The following FRYL variants were observed in gnomAD, a reference collection of about 807,000 sequenced individuals.
FRYL encodes protein furry homolog-like.
In FRYL, 150 loss-of-function variants were observed where a neutral mutation model predicts 351.2. The observed-to-expected ratio is 0.43, with a 90% CI of 0.37 to 0.49. The LOEUF is 0.49. FRYL is among the 20% of genes least tolerant of loss of function. The pLI is 0.00. For synonymous variants in FRYL, 1,153 were observed against 1,257.1 expected, an observed-to-expected ratio of 0.92 and a Z score of 1.75; for missense variants, 3,036 against 3,619.3, an observed-to-expected ratio of 0.84 and a Z score of 4.13.
At chr4:48,693,225 C>T (rs1379641219) in intron 2 of FRYL, among the ~76,000 whole-genome samples, 1 of 152,094 alleles carries the variant, frequency 6.6e-6, no homozygotes, top group African/African-American at 2.4e-5. Flanking sequence ...TCCTTTATAT[C>T]GCTCTAACAT....
intron 2 of FRYL, among the ~76,000 whole-genome samples, chr4:48,700,327 G>A (rs1166352137): frequency 1.3e-5 from 2 of 152,142 alleles, no homozygotes; most frequent in Non-Finnish European, 2.9e-5. Context: ...AGGGCAAAGT[G>A]AGACACTGGG....
At chr4:48,615,309 T>A (rs1047954565) in intron 7 of FRYL, among the ~76,000 whole-genome samples, 10 of 152,144 alleles carry the variant, frequency 6.6e-5, no homozygotes, top group African/African-American at 2.4e-4. Context: ...CTCATCAATA[T>A]CTAAAATGCT....
At chr4:48,577,045 TATC>T (rs1238141274) in intron 23 of FRYL, among the ~76,000 whole-genome samples, 4 of 152,182 alleles carry the variant, frequency 2.6e-5, no homozygotes, top group African/African-American at 9.6e-5. Flanking sequence ...CAATATAAAG[TATC>T]ATATTTTATA....
At chr4:48,570,737 C>CT (rs1738118522) in intron 27 of FRYL, 90 bp downstream of exon 27, 1 of 917,622 alleles carries the variant, frequency 1.1e-6, no homozygotes, top group African/African-American at 1.7e-5. Flanking sequence ...TGCAATGGTG[C>CT]TTTTCTGTTT....
At chr4:48,728,971 G>A (rs925116439) in intron 1 of FRYL, among the ~76,000 whole-genome samples, 1 of 152,252 alleles carries the variant, frequency 6.6e-6, no homozygotes, top group African/African-American at 2.4e-5. Flanking sequence ...TCCTAGCCAA[G>A]GGAAGCCGTG....
At chr4:48,711,845 G>A (rs62309747) in intron 1 of FRYL, among the ~76,000 whole-genome samples, 62,813 of 152,088 alleles carry the variant, frequency 0.41, 14,294 homozygotes, top group Admixed American at 0.56. Flanking sequence ...CACCTCACAC[G>A]GCCGGGTACT....
At chr4:48,688,395 A>T (rs1186033420) in intron 2 of FRYL, among the ~76,000 whole-genome samples, 1 of 152,232 alleles carries the variant, frequency 6.6e-6, no homozygotes, top group African/African-American at 2.4e-5. Flanking sequence ...AAGATGGTGT[A>T]AAACAAGAAA....
chr4:48,532,993 GT>G (rs1728011115), intron 49 of FRYL, among the ~76,000 whole-genome samples: 1 of 152,154 alleles, frequency 6.6e-6, no homozygotes, highest in South Asian at 2.1e-4. Context: ...ACAGAAAAAT[GT>G]AGATTTCCAG....
chr4:48,587,892 T>C (rs1189286021), intron 18 of FRYL, among the ~76,000 whole-genome samples: 1 of 152,196 alleles, frequency 6.6e-6, no homozygotes, highest in Non-Finnish European at 1.5e-5. Context: ...AGAGATTTCA[T>C]ATAGTCAGTC....
At chr4:48,511,425 T>C (rs571340653) in intron 57 of FRYL, among the ~76,000 whole-genome samples, 1 of 152,186 alleles carries the variant, frequency 6.6e-6, no homozygotes, top group Non-Finnish European at 1.5e-5. Context: ...AAAAATGTAT[T>C]AAGAGTAATA....
In FRYL at chr4:48,742,973, A is replaced by ATTTTTTTTT. The variant is rs71191256; in HGVS notation, c.-383-32284_-383-32276dup. On this transcript the variant is annotated intron_variant, in intron 1 of 63. Coordinates refer to ENST00000358350, the MANE Select transcript of FRYL (RefSeq NM_015030.2). ...AGGTGTGCGCCACCACGCCTGGATA[A>ATTTTTTTTT]TTTTTTTTTTTTTTTTTTTTTTTTT... is the stretch of plus-strand genomic sequence containing the variant. Among the ~76,000 whole-genome samples, 137 of 81,740 alleles carry ATTTTTTTTT rather than the reference A, an allele frequency of 1.7e-3. 13 individuals are homozygous for ATTTTTTTTT. Among genetic ancestry groups the ATTTTTTTTT allele is most frequent in the Middle Eastern group, 7.0e-3 (1 of 142 alleles). The allele number at this position is 81,740 out of a possible 152,430, so 53.6% of individuals were successfully genotyped here.
At chr4:48,764,190 A>ATAAT (rs1774708575) in intron 1 of FRYL, among the ~76,000 whole-genome samples, 2 of 152,186 alleles carry the variant, frequency 1.3e-5, no homozygotes, top group African/African-American at 4.8e-5. Context: ...AAATAAATAA[A>ATAAT]TAAATTAAAT....
At chr4:48,657,479 T>G (rs931796646) in intron 3 of FRYL, among the ~76,000 whole-genome samples, 2 of 151,248 alleles carry the variant, frequency 1.3e-5, no homozygotes. Flanking sequence ...ACCCTTAACC[T>G]GCCAATTATT....
At chr4:48,702,455 C>CAAAAAAAA (rs34675617) in intron 2 of FRYL, among the ~76,000 whole-genome samples, 3 of 29,450 alleles carry the variant, frequency 1.0e-4, no homozygotes, top group African/African-American at 1.4e-4. Flanking sequence ...GACTCTGTCT[C>CAAAAAAAA]AAAAAAAAAA....
chr4:48,672,410 G>A (rs1190998536), intron 3 of FRYL, among the ~76,000 whole-genome samples: 1 of 152,132 alleles, frequency 6.6e-6, no homozygotes, highest in African/African-American at 2.4e-5. Context: ...ACCCAATAGG[G>A]CTTCTCCTAA....
intron 3 of FRYL, among the ~76,000 whole-genome samples, chr4:48,675,377 G>A (rs1397758043): frequency 2.6e-5 from 4 of 152,216 alleles, no homozygotes; most frequent in Admixed American, 1.3e-4. Flanking sequence ...TGCCTGCGGC[G>A]CTTGCGGGCC....
At position 48,595,937 on chromosome 4, in the gene FRYL, C is replaced by T. The variant is rs1286812837; in HGVS notation, c.1099G>A (p.Val367Ile). 6.2e-7 allele frequency: 1 copy of T among 1,606,098 alleles called. No homozygotes were observed. Among genetic ancestry groups the T allele is most frequent in the Non-Finnish European group, 8.5e-7 (1 of 1,177,108 alleles). Residue 367 changes from valine (V) to isoleucine (I), a missense_variant, in exon 14 of 64, where the codon GTA becomes ATA. Physicochemically the swap from Val to Ile is conservative, Grantham distance 29 (BLOSUM62 3). Coordinates refer to ENST00000358350, the MANE Select transcript of FRYL (RefSeq NM_015030.2). The stretch of plus-strand genomic sequence containing the variant: ...TTGCTTTCACATTTTATTCTAATTA[C>T]ATAAACCCACAATAATCTATACAAA... ...ESLYRLLWVY[V>I]IRIKCESNTV...
intron 43 of FRYL, among the ~76,000 whole-genome samples, chr4:48,544,467 C>A (rs1249345539): frequency 6.6e-6 from 1 of 152,094 alleles, no homozygotes; most frequent in African/African-American, 2.4e-5. Context: ...AAGACTATAC[C>A]AGCACAATTT....
At chr4:48,728,014 C>G (rs1770278293) in intron 1 of FRYL, among the ~76,000 whole-genome samples, 1 of 152,120 alleles carries the variant, frequency 6.6e-6, no homozygotes, top group Non-Finnish European at 1.5e-5. Flanking sequence ...GAAGACCTCC[C>G]CTTCCTCCAC....
Sources: allele counts gnomAD v4.1 joint callset (sites outside exome capture counted in the v4.1 genomes callset), GRCh38; gene constraint gnomAD v4.1.1; transcripts MANE v1.5; gene names NCBI Gene and HGNC (gene_info 2026-07-23, HGNC 2026-07-21).